The following MAPKAP1 variants were observed in gnomAD, a reference collection of about 807,000 sequenced individuals.
MAPKAP1 encodes target of rapamycin complex 2 subunit MAPKAP1.
Under a neutral mutation model 65.7 loss-of-function variants are expected in MAPKAP1, and 20 were observed. The observed-to-expected ratio is 0.30, with a 90% CI of 0.21 to 0.44. The LOEUF (loss-of-function observed/expected upper bound fraction) is 0.44, where lower values mean the gene tolerates loss of function less well. MAPKAP1 is among the 20% of genes least tolerant of loss of function. The pLI, the probability that MAPKAP1 is intolerant of heterozygous loss-of-function variation, is 1.00. For synonymous variants in MAPKAP1, 222 were observed against 244.3 expected, an observed-to-expected ratio of 0.91 and a Z score of 0.85; for missense variants, 423 against 648.0, an observed-to-expected ratio of 0.65 and a Z score of 3.77.
chr9:125,554,860 G>T (rs138455848), intron 6 of MAPKAP1, among the ~76,000 whole-genome samples: 1 of 151,024 alleles, frequency 6.6e-6, no homozygotes, highest in African/African-American at 2.4e-5. Context: ...GTGTTTGTGT[G>T]GGGGGACACA....
At chr9:125,691,796 T>C (rs1208801288) in intron 1 of MAPKAP1, among the ~76,000 whole-genome samples, 1 of 152,244 alleles carries the variant, frequency 6.6e-6, no homozygotes, top group Non-Finnish European at 1.5e-5. Context: ...TCGCATTTCC[T>C]AGTAAGAAGT....
intron 7 of MAPKAP1, among the ~76,000 whole-genome samples, chr9:125,532,927 A>T (rs1829973352): frequency 6.6e-6 from 1 of 152,240 alleles, no homozygotes; most frequent in African/African-American, 2.4e-5. Flanking sequence ...CAGGTAACAG[A>T]AGTTCTCAAA....
chr9:125,540,202 T>G (rs77069057), intron 7 of MAPKAP1, among the ~76,000 whole-genome samples: 2,194 of 152,350 alleles, frequency 0.014, 18 homozygotes, highest in South Asian at 0.041. Context: ...ACCTACCACC[T>G]TCTGATTTTT....
intron 4 of MAPKAP1, among the ~76,000 whole-genome samples, chr9:125,655,065 GA>G (rs543254056): frequency 1.6e-4 from 25 of 151,688 alleles, no homozygotes; most frequent in Admixed American, 6.6e-5. Context: ...TTTGGAGGGG[GA>G]AAAAAACTGT....
intron 1 of MAPKAP1, among the ~76,000 whole-genome samples, chr9:125,698,291 AT>A (rs1835465853): frequency 0.012 from 25 of 2,070 alleles, no homozygotes; most frequent in East Asian, 0.028. Flanking sequence ...ATATATAAAT[AT>A]ATATATATAT....
chr9:125,620,904 C>T (rs955627416), intron 4 of MAPKAP1, among the ~76,000 whole-genome samples: 2 of 152,024 alleles, frequency 1.3e-5, no homozygotes, highest in Admixed American at 6.6e-5. Flanking sequence ...ACATGTTTAC[C>T]TTTTACATTT....
At chr9:125,486,168 C>T (rs955868909) in intron 8 of MAPKAP1, among the ~76,000 whole-genome samples, 1 of 152,348 alleles carries the variant, frequency 6.6e-6, no homozygotes, top group South Asian at 2.1e-4. Context: ...TCACACGTTA[C>T]TGCATTGAAG....
chr9:125,470,605 G>A (rs1853872956), intron 9 of MAPKAP1, among the ~76,000 whole-genome samples: 1 of 152,202 alleles, frequency 6.6e-6, no homozygotes, highest in Non-Finnish European at 1.5e-5. Context: ...ATTACCAGCA[G>A]TATCTCTGCA....
chr9:125,646,113 TC>T (rs1316730130), intron 4 of MAPKAP1, among the ~76,000 whole-genome samples: 5 of 152,158 alleles, frequency 3.3e-5, no homozygotes, highest in Admixed American at 6.5e-5. Flanking sequence ...ATTACATACT[TC>T]ATGAATATTA....
intron 4 of MAPKAP1, among the ~76,000 whole-genome samples, chr9:125,597,264 C>T (rs1589325581): frequency 1.9e-5 from 1 of 52,654 alleles, no homozygotes; most frequent in African/African-American, 9.0e-5. Flanking sequence ...GACTCCGTCT[C>T]AAAAAAAAAA....
At chr9:125,684,940 T>C (rs1834931554) in intron 1 of MAPKAP1, among the ~76,000 whole-genome samples, 2 of 152,186 alleles carry the variant, frequency 1.3e-5, no homozygotes, top group African/African-American at 4.8e-5. Context: ...CCCAGGGCGT[T>C]GGGATTACAG....
Position 125,672,539 on chromosome 9 carries a change from A to G in MAPKAP1, c.36T>C (p.Ala12=), listed in dbSNP as rs767839198. The G allele has an allele frequency of 1.7e-5, 27 of 1,614,074 alleles. No individual in the cohort carries two copies. The highest frequency in any genetic ancestry group is 2.2e-5 in the Non-Finnish European group (26 of 1,180,034). The change falls in exon 2 of 12, where the codon GCT becomes GCC. Residue 12 remains alanine (A), a synonymous_variant. Transcript: ENST00000265960. ...AFLDNPTIIL[A]HIRQSHVTSD... is the part of the protein sequence containing the mutation. ...TGGTCACATGTGACTGTCGAATATG[A>G]GCTAGAATGATAGTTGGATTGTCCA...
intron 4 of MAPKAP1, among the ~76,000 whole-genome samples, chr9:125,597,196 T>C (rs1033448254): frequency 4.8e-5 from 6 of 126,010 alleles, no homozygotes; most frequent in East Asian, 2.5e-4. Flanking sequence ...ACCCAGGAGG[T>C]GGAGCTTGCA....
chr9:125,521,908 TGATA>T, intron 7 of MAPKAP1: 1 of 736,074 alleles, frequency 1.4e-6, no homozygotes, highest in Non-Finnish European at 2.3e-6. Context: ...GACTCTGTTA[TGATA>T]TATTGGAATC....
chr9:125,474,152 C>T lies in MAPKAP1; in HGVS notation c.1208-6043G>A, dbSNP rs1215923906. 2.6e-5 allele frequency among the ~76,000 whole-genome samples: 4 copies of T among 152,162 alleles called. No homozygotes were observed. In the East Asian group the frequency reaches 7.7e-4, roughly 29 times the overall value. Reference sequence around the variant, plus strand: ...AGAAGGAGGTGAATAAAGGACCTGCCTGGCTCTGGAATTGGAGGGCGAGAA... The same window carrying T: ...AGAAGGAGGTGAATAAAGGACCTGCTTGGCTCTGGAATTGGAGGGCGAGAA... On this transcript the variant is annotated intron_variant, in intron 9 of 11. Coordinates refer to ENST00000265960, the MANE Select transcript of MAPKAP1 (RefSeq NM_001006617.3).
chr9:125,696,147 C>T (rs1375076348), intron 1 of MAPKAP1: 3 of 152,156 alleles, frequency 2.0e-5, no homozygotes, highest in African/African-American at 7.2e-5. Context: ...ACGTGATCTT[C>T]AATCTTCTTC....
Position 125,596,961 on chromosome 9 carries a change from C to CT in MAPKAP1, c.499-11235dup, listed in dbSNP as rs200348990. Among the ~76,000 whole-genome samples, 124 of 45,976 alleles carry CT rather than the reference C, an allele frequency of 2.7e-3. 2 individuals are homozygous for CT. Among genetic ancestry groups the CT allele is most frequent in the South Asian group, 9.9e-3 (10 of 1,006 alleles). 30.2% of individuals were successfully genotyped at this position (45,976 alleles called of 152,430 possible). On this transcript the variant is annotated intron_variant, in intron 4 of 11. Transcript: ENST00000265960. ...TGATCATGACGCTGAATAAATGTGT[C>CT]TTAAAAAAAAAAAAAAAAAAGGCCA...
Position 125,632,332 on chromosome 9 carries a change from A to C in MAPKAP1, c.498+25319T>G, listed in dbSNP as rs191602481. Among the ~76,000 whole-genome samples, 366 of 152,282 alleles carry C rather than the reference A, an allele frequency of 2.4e-3. 4 individuals are homozygous for C. The highest frequency in any genetic ancestry group is 8.3e-3 in the African/African-American group (346 of 41,544). On this transcript the variant is annotated intron_variant, in intron 4 of 11. Transcript: ENST00000265960. ...CCCTACAAGATTACACATACCATTA[A>C]ATTAGGGACTATCTCATTCACTATT...
Position 125,452,089 on chromosome 9 carries a change from C to G in MAPKAP1, c.1346-7491G>C, listed in dbSNP as rs533234748. Among the ~76,000 whole-genome samples, 22 of 152,230 alleles carry G rather than the reference C, an allele frequency of 1.4e-4. No homozygotes were observed. In the East Asian group the frequency reaches 4.3e-3, roughly 30 times the overall value. On this transcript the variant is annotated intron_variant, in intron 10 of 11. Coordinates refer to ENST00000265960, the MANE Select transcript of MAPKAP1 (RefSeq NM_001006617.3). ...CCTCCTGAAGTGCTGGGATTACAGG[C>G]ATGAGCCACCGCACCAGCCCGTTTT... is the stretch of plus-strand genomic sequence containing the variant.
Sources: gnomAD v4.1 joint callset for allele counts (sites outside exome capture counted in the v4.1 genomes callset) on GRCh38, gnomAD v4.1.1 for gene constraint, MANE v1.5 for transcripts, NCBI Gene and HGNC (gene_info 2026-07-23, HGNC 2026-07-21) for gene names.